TLN1: variants seen among roughly 807,000 people sequenced by gnomAD.
TLN1 encodes talin-1.
A neutral mutation model predicts 292.3 loss-of-function variants in TLN1; 56 were observed. The observed-to-expected ratio is 0.19, with a 90% CI of 0.15 to 0.24. The LOEUF is 0.24. TLN1 is among the 10% of genes least tolerant of loss of function. The pLI is 1.00. For synonymous variants in TLN1, 1,119 were observed against 1,253.7 expected (o/e 0.89, Z 2.27); for missense variants, 2,433 against 3,248.2 (o/e 0.75, Z 6.10).
rs1267833725 is a variant in TLN1, at chr9:35,706,465, G to C, written c.5175C>G (p.Ser1725=). ...PLANAARAEA[S]QLGHKVSQMA... ...CCATAGGTACCTTGTGTCCCAGCTG[G>C]GAGGCTTCAGCCCGGGCAGCATTGG... Residue 1725 remains serine, a synonymous_variant, in exon 39 of 57, where the codon TCC becomes TCG. Coordinates refer to ENST00000314888, the MANE Select transcript of TLN1 (RefSeq NM_006289.4). The surrounding 1 kb of genome is among the most constrained non-coding windows in gnomAD (Gnocchi z 4.2). 6.8e-6 allele frequency: 11 copies of C among 1,613,996 alleles called. 1 individual carries two copies. In the Admixed American group the frequency reaches 1.7e-4, roughly 24 times the overall value.
In TLN1 at chr9:35,704,483, C is replaced by G. The variant is rs763617817; in HGVS notation, c.5896G>C (p.Ala1966Pro). The change falls in exon 45 of 57, where the codon GCT (alanine) becomes CCT (proline). Residue 1966 changes from alanine to proline, a missense_variant. Physicochemically the swap from Ala to Pro is conservative, Grantham distance 27. Transcript: ENST00000314888. The surrounding 1 kb of genome is among the most constrained non-coding windows in gnomAD (Gnocchi z 6.9). ...CCACGATTCCCAGCCTGGAGCGCAGCCAGGACGTGGGAGACCTGGGTAGGG... is the reference window on the plus strand; with the variant it reads ...CCACGATTCCCAGCCTGGAGCGCAGGCAGGACGTGGGAGACCTGGGTAGGG... ...RVSEKVSHVL[A>P]ALQAGNRGTQ... is the part of the protein sequence containing the mutation. 1 of 1,610,334 alleles carries G rather than the reference C, an allele frequency of 6.2e-7. No individual in the cohort carries two copies. The highest frequency in any genetic ancestry group is 1.1e-5 in the South Asian group (1 of 90,650).
Position 35,719,382 on chromosome 9 carries a change from C to A in TLN1, c.1688-100G>T. The A allele has an allele frequency of 7.3e-7, 1 of 1,370,256 alleles. No homozygotes were observed. The highest frequency in any genetic ancestry group is 1.0e-6 in the Non-Finnish European group (1 of 967,710). 84.9% of individuals were successfully genotyped at this position (1,370,256 alleles called of 1,614,324 possible). A position where few individuals can be genotyped will look rare whatever the true frequency, so the allele number is the denominator to read the frequency against. Reference sequence around the variant, plus strand: ...ACACCCAGTTAGTCACACACATGTCCACAGAAAGACGCACACACACAGTCC... The same window carrying A: ...ACACCCAGTTAGTCACACACATGTCAACAGAAAGACGCACACACACAGTCC... On this transcript the variant is annotated intron_variant, in intron 15 of 56. Transcript: ENST00000314888. This position sits in a 1 kb window ranked among gnomAD's most constrained non-coding sequence, Gnocchi z 4.6.
intron 25 of TLN1, among the ~76,000 whole-genome samples, chr9:35,713,597 T>C (rs1825716752): frequency 6.6e-6 from 1 of 151,954 alleles, no homozygotes; most frequent in Admixed American, 6.6e-5. Flanking sequence ...GGCAGGAGAA[T>C]GGCTTGAACC....
At chr9:35,728,348 G>C (rs1345414624) in intron 1 of TLN1, among the ~76,000 whole-genome samples, 1 of 152,216 alleles carries the variant, frequency 6.6e-6, no homozygotes, top group Non-Finnish European at 1.5e-5. Context: ...GTAACACTCA[G>C]TCTGTTACCA....
chr9:35,720,305 AG>A, intron 12 of TLN1, 86 bp from the exon 13 acceptor site: 1 of 1,530,924 alleles, frequency 6.5e-7, no homozygotes, highest in Non-Finnish European at 8.9e-7. Context: ...CAGGTGTGTG[AG>A]GTCTCACTAC....
chr9:35,699,904 C>T lies in TLN1; in HGVS notation c.6768+70G>A, dbSNP rs139866308. ...TCTGAGCAAAACAGACAGCAGGGTG[C>T]GAGGCCTGCAGGAAGAGGGCTGTGT... On this transcript the variant is annotated intron_variant, in intron 50 of 56. Coordinates refer to ENST00000314888, the MANE Select transcript of TLN1 (RefSeq NM_006289.4). The surrounding 1 kb of genome is among the most constrained non-coding windows in gnomAD (Gnocchi z 4.0). 1.6e-5 allele frequency: 24 copies of T among 1,469,810 alleles called. No individual in the cohort carries two copies. The highest frequency in any genetic ancestry group is 3.8e-5 in the Admixed American group (2 of 52,592). The allele number at this position is 1,469,810 out of a possible 1,614,324, so 91.0% of individuals were successfully genotyped here. A position where few individuals can be genotyped will look rare whatever the true frequency, so the allele number is the denominator to read the frequency against.
At position 35,720,459 on chromosome 9, in the gene TLN1, C is replaced by A. The variant is rs1825861542; in HGVS notation, c.1257G>T (p.Met419Ile). 6.2e-7 allele frequency: 1 copy of A among 1,614,026 alleles called. No homozygotes were observed. Among genetic ancestry groups the A allele is most frequent in the Non-Finnish European group, 8.5e-7 (1 of 1,180,028 alleles). ...FGLEGDEEST[M>I]LEDSVSPKKS... ...TTTTGGGGGACACTGAGTCCTCCAG[C>A]ATAGTAGACTCCTCATCTCCTTCCA... The change falls in exon 12 of 57, where the codon ATG becomes ATT. Residue 419 changes from methionine (M) to isoleucine (I), a missense_variant. By Grantham distance (10) the Met-to-Ile change is conservative. This residue lies in a region of TLN1 where 617 missense variants were observed against 770.6 expected (regional missense o/e 0.80). Coordinates refer to ENST00000314888, the MANE Select transcript of TLN1 (RefSeq NM_006289.4).
intron 1 of TLN1, among the ~76,000 whole-genome samples, chr9:35,727,784 C>A (rs1036023371): frequency 6.6e-6 from 1 of 152,168 alleles, no homozygotes; most frequent in African/African-American, 2.4e-5. Context: ...TTCCTCTGGA[C>A]ACTTAGACAC....
chr9:35,728,121 C>G (rs964875281), intron 1 of TLN1, among the ~76,000 whole-genome samples: 12 of 152,116 alleles, frequency 7.9e-5, no homozygotes, highest in African/African-American at 2.9e-4. Context: ...CGATGCATTC[C>G]AAAGAAGTTG....
chr9:35,722,272 T>C (rs1825889916), intron 8 of TLN1, 49 bp from the exon 9 acceptor site: 16 of 1,495,602 alleles, frequency 1.1e-5, no homozygotes, highest in Non-Finnish European at 1.4e-5. Flanking sequence ...ATATCACAGC[T>C]AAGGAATTAA....
At position 35,714,653 on chromosome 9, in the gene TLN1, C is replaced by A. The variant is rs1336004833; in HGVS notation, c.2906G>T (p.Gly969Val). Residue 969 changes from glycine (G) to valine (V), a missense_variant, in exon 23 of 57, where the codon GGC (glycine) becomes GTC (valine). By Grantham distance (109) the Gly-to-Val change is moderately radical. Coordinates refer to ENST00000314888, the MANE Select transcript of TLN1 (RefSeq NM_006289.4). The surrounding 1 kb of genome is among the most constrained non-coding windows in gnomAD (Gnocchi z 4.6). ...AGGCTGGGCTTGGCTTCCTCGGACG[C>A]CCTGCACCAGCAGTGGAATCTGCTC... Reference protein sequence around the residue: ...VAEQIPLLVQGVRGSQAQPDS... With the variant: ...VAEQIPLLVQVVRGSQAQPDS... The A allele has an allele frequency of 2.5e-6, 4 of 1,613,974 alleles. No homozygotes were observed. The highest frequency in any genetic ancestry group is 3.3e-5 in the Admixed American group (2 of 60,020).
At position 35,707,710 on chromosome 9, in the gene TLN1, G is replaced by A; in HGVS notation, c.4632+21C>T. Reference sequence around the variant, plus strand: ...AGATAGGACAGGTCAGGGAGAGGCTGGGAATTCAAGCAATGGGAACCTTGA... The same window carrying A: ...AGATAGGACAGGTCAGGGAGAGGCTAGGAATTCAAGCAATGGGAACCTTGA... On this transcript the variant is annotated intron_variant, in intron 35 of 56. Coordinates refer to ENST00000314888, the MANE Select transcript of TLN1 (RefSeq NM_006289.4). This position sits in a 1 kb window ranked among gnomAD's most constrained non-coding sequence, Gnocchi z 5.6. 1 of 1,614,006 alleles carries A rather than the reference G, an allele frequency of 6.2e-7. No homozygotes were observed. The highest frequency in any genetic ancestry group is 8.5e-7 in the Non-Finnish European group (1 of 1,179,936).
rs1825427331 is a variant in TLN1, at chr9:35,699,561, G to C, written c.6769-100C>G. On this transcript the variant is annotated intron_variant, in intron 50 of 56. Coordinates refer to ENST00000314888, the MANE Select transcript of TLN1 (RefSeq NM_006289.4). The surrounding 1 kb of genome is among the most constrained non-coding windows in gnomAD (Gnocchi z 4.0). The stretch of plus-strand genomic sequence containing the variant: ...CATGGCCCCCTCACCCCTATCCCTA[G>C]AGCACTCCACACCATAGCCCTCAAA... The C allele has an allele frequency of 2.7e-6, 4 of 1,468,690 alleles. No homozygotes were observed. The highest frequency in any genetic ancestry group is 3.6e-6 in the Non-Finnish European group (4 of 1,107,328). The allele number at this position is 1,468,690 out of a possible 1,614,324, so 91.0% of individuals were successfully genotyped here. A position where few individuals can be genotyped will look rare whatever the true frequency, so the allele number is the denominator to read the frequency against.
At position 35,704,593 on chromosome 9, in the gene TLN1, AG is replaced by A; in HGVS notation, c.5880+75del. ...GAGAAGTGACAACAGGAGAGGGCTG[AG>A]AGGGCTGGAGGAGGATGGCAAAGGC... On this transcript the variant is annotated intron_variant, in intron 44 of 56. Transcript: ENST00000314888. This position sits in a 1 kb window ranked among gnomAD's most constrained non-coding sequence, Gnocchi z 6.9. 6.9e-6 allele frequency: 11 copies of A among 1,596,424 alleles called. No homozygotes were observed. In the South Asian group the frequency reaches 1.2e-4, roughly 18 times the overall value.
chr9:35,700,283 C>T lies in TLN1; in HGVS notation c.6568G>A (p.Val2190Ile), dbSNP rs758160563. ...TGGCGACAGGAATTGCCAGCAGCAA[C>T]GGCCTTGGCGGTTGCCATGGTGATA... is the stretch of plus-strand genomic sequence containing the variant. ...KGITMATAKA[V>I]AAGNSCRQED... Residue 2190 changes from valine (V) to isoleucine (I), a missense_variant, in exon 49 of 57, where the codon GTT (valine) becomes ATT (isoleucine). By Grantham distance (29) the Val-to-Ile change is conservative. Around this residue, in one of 7 missense-constraint regions of TLN1, gnomAD observed 1,384 missense variants for 1,699.6 expected, o/e 0.81. Coordinates refer to ENST00000314888, the MANE Select transcript of TLN1 (RefSeq NM_006289.4). 11 of 1,613,504 alleles carry T rather than the reference C, an allele frequency of 6.8e-6. No individual in the cohort carries two copies. The South Asian group carries it at 7.7e-5, about 11-fold the overall frequency.
chr9:35,715,218 C>T, intron 20 of TLN1, 31 bp from the exon 21 acceptor site: 4 of 1,603,464 alleles, frequency 2.5e-6, no homozygotes, highest in Non-Finnish European at 3.4e-6. Context: ...CAGTCATCAC[C>T]CAGCTCTCCT....
chr9:35,710,222 C>CAAAAAAAAA (rs68036045), intron 33 of TLN1, among the ~76,000 whole-genome samples: 2 of 67,248 alleles, frequency 3.0e-5, no homozygotes, highest in East Asian at 3.9e-4. Context: ...AACGCTGTCT[C>CAAAAAAAAA]AAAAAAAAAA....
chr9:35,721,712 A>T lies in TLN1; in HGVS notation c.1040T>A (p.Val347Glu). The T allele has an allele frequency of 6.2e-7, 1 of 1,614,132 alleles. No individual in the cohort carries two copies. The highest frequency in any genetic ancestry group is 8.5e-7 in the Non-Finnish European group (1 of 1,179,992). ...GTTGGTGAGGTTCCACTCCTGGATC[A>T]CTTCCTTGGTCTTCTCATCCACTCG... ...VMRVDEKTKEVIQEWNLTNIK... is the reference protein window; with the variant it reads ...VMRVDEKTKEEIQEWNLTNIK... Residue 347 changes from valine (V) to glutamate (E), a missense_variant, in exon 10 of 57, where the codon GTG (valine) becomes GAG (glutamate). Val to Glu is a moderately radical substitution (Grantham distance 121, BLOSUM62 -2). Around this residue, in one of 7 missense-constraint regions of TLN1, gnomAD observed 57 missense variants for 136.5 expected, o/e 0.42. Transcript: ENST00000314888.
chr9:35,724,980 G>T lies in TLN1; in HGVS notation c.229-21C>A, dbSNP rs368972248. On this transcript the variant is annotated intron_variant, in intron 3 of 56. Coordinates refer to ENST00000314888, the MANE Select transcript of TLN1 (RefSeq NM_006289.4). The surrounding 1 kb of genome is among the most constrained non-coding windows in gnomAD (Gnocchi z 4.7). The stretch of plus-strand genomic sequence containing the variant: ...GTGTCCTGTTAGGGCAGGAAGAAGA[G>T]ACAGGGGCCTACTCTGAGCTAGGGG... 29 of 1,613,818 alleles carry T rather than the reference G, an allele frequency of 1.8e-5. No individual in the cohort carries two copies. The highest frequency in any genetic ancestry group is 1.6e-4 in the African/African-American group (12 of 75,034).
Sources: allele counts gnomAD v4.1 joint callset (sites outside exome capture counted in the v4.1 genomes callset), GRCh38; gene constraint gnomAD v4.1.1; regional missense constraint gnomAD v4.1.1; non-coding constraint Gnocchi (gnomAD v3.1); transcripts MANE v1.5; gene names NCBI Gene and HGNC (gene_info 2026-07-23, HGNC 2026-07-21).